The following ZSCAN5A variants were observed in gnomAD, a reference collection of about 807,000 sequenced individuals.
ZSCAN5A encodes zinc finger and SCAN domain-containing protein 5A.
Under a neutral mutation model 23.7 loss-of-function variants are expected in ZSCAN5A, and 12 were observed. The ratio of observed to expected loss-of-function variants is 0.51; its 90% CI spans 0.32 to 0.82. The LOEUF (loss-of-function observed/expected upper bound fraction) is 0.82, where lower values mean the gene tolerates loss of function less well. ZSCAN5A is among the 40% of genes least tolerant of loss of function. The pLI, the probability that ZSCAN5A is intolerant of heterozygous loss-of-function variation, is 0.03. For missense variants in ZSCAN5A, 597 were observed against 617.9 expected, an observed-to-expected ratio of 0.97 and a Z score of 0.36; for synonymous variants, 257 against 239.9, an observed-to-expected ratio of 1.07 and a Z score of -0.66.
rs182101885 is a variant in ZSCAN5A at position 56,247,969 on chromosome 19, C to T, written c.-127-22796G>A. ...CCTCCCAAAGTGCTGGGATTACAGG[C>T]GTGAGCCACCGCACCTGGCCTGTTC... On this transcript the variant is annotated intron_variant, in intron 2 of 5. Coordinates refer to ENST00000683990, the MANE Select transcript of ZSCAN5A (RefSeq NM_001322064.3). Among the ~76,000 whole-genome samples the T allele has an allele frequency of 5.3e-5, 8 of 152,278 alleles. No homozygotes were observed. In the East Asian group the frequency reaches 7.7e-4, roughly 15 times the overall value.
At chr19:56,237,645 C>A (rs2035034167) in intron 2 of ZSCAN5A, among the ~76,000 whole-genome samples, 1 of 152,038 alleles carries the variant, frequency 6.6e-6, no homozygotes, top group South Asian at 2.1e-4. Flanking sequence ...TGGGCCGGGG[C>A]GCGGTGGCTC....
intron 2 of ZSCAN5A, chr19:56,348,033 C>T (rs887250362): frequency 2.6e-5 from 4 of 152,264 alleles, no homozygotes; most frequent in African/African-American, 9.7e-5. Flanking sequence ...TGGCAAAAAC[C>T]ACTGGAGATG....
At chr19:56,320,802 CCTTAT>C (rs2041367644) in intron 2 of ZSCAN5A, 10 of 812,340 alleles carry the variant, frequency 1.2e-5, no homozygotes, top group Non-Finnish European at 2.2e-5. Flanking sequence ...ACCTCAAAAG[CCTTAT>C]CACCATAGGT....
chr19:56,345,761 A>T (rs1024086789), intron 2 of ZSCAN5A, among the ~76,000 whole-genome samples: 3 of 152,218 alleles, frequency 2.0e-5, no homozygotes, highest in African/African-American at 7.2e-5. Flanking sequence ...AGGCTAGACC[A>T]TGTGATGTTT....
intron 2 of ZSCAN5A, among the ~76,000 whole-genome samples, chr19:56,301,504 C>CA (rs2040229444): frequency 6.6e-6 from 1 of 152,166 alleles, no homozygotes; most frequent in African/African-American, 2.4e-5. Flanking sequence ...TGGGTTTTGG[C>CA]AGCTTCTTTA....
At chr19:56,329,877 AG>A (rs1311495409) in intron 2 of ZSCAN5A, among the ~76,000 whole-genome samples, 3 of 152,186 alleles carry the variant, frequency 2.0e-5, no homozygotes, top group Non-Finnish European at 4.4e-5. Context: ...ATACATGAGT[AG>A]GTGTGTTACT....
intron 2 of ZSCAN5A, chr19:56,272,867 G>A (rs985002656): frequency 1.2e-4 from 116 of 985,254 alleles, no homozygotes; most frequent in Middle Eastern, 5.2e-4. Context: ...TGAAAATGTC[G>A]CTGCTGATTC....
intron 2 of ZSCAN5A, among the ~76,000 whole-genome samples, chr19:56,357,876 G>A (rs948699994): frequency 1.3e-5 from 2 of 148,452 alleles, no homozygotes; most frequent in Admixed American, 6.7e-5. Context: ...CCCATCTCAC[G>A]TGCAAAGATA....
intron 2 of ZSCAN5A, chr19:56,246,978 G>A (rs1315611329): frequency 7.0e-7 from 1 of 1,419,544 alleles, no homozygotes; most frequent in Non-Finnish European, 9.9e-7. Context: ...GAAAACCTGA[G>A]ATAAATTCAG....
chr19:56,290,182 G>A (rs1054735353), intron 2 of ZSCAN5A, among the ~76,000 whole-genome samples: 6 of 152,180 alleles, frequency 3.9e-5, no homozygotes, highest in Non-Finnish European at 8.8e-5. Context: ...CTTTCAAAAG[G>A]TTTCTCAGGT....
At chr19:56,251,692 G>A (rs1412364266) in intron 2 of ZSCAN5A, among the ~76,000 whole-genome samples, 1 of 152,126 alleles carries the variant, frequency 6.6e-6, no homozygotes, top group Non-Finnish European at 1.5e-5. Context: ...AGTGAAATAA[G>A]CCAGTCCAAG....
chr19:56,230,723 C>A (rs1163393604), intron 2 of ZSCAN5A, among the ~76,000 whole-genome samples: 1 of 151,828 alleles, frequency 6.6e-6, no homozygotes, highest in Non-Finnish European at 1.5e-5. Flanking sequence ...CCTCGACTTA[C>A]AATGAAGTTA....
At chr19:56,357,558 C>T (rs73621209) in intron 2 of ZSCAN5A, among the ~76,000 whole-genome samples, 1,961 of 147,788 alleles carry the variant, frequency 0.013, 229 homozygotes, top group African/African-American at 0.047. Context: ...CTGTCAAATA[C>T]TAGATCTTAA....
intron 2 of ZSCAN5A, chr19:56,321,499 C>T: frequency 2.8e-6 from 2 of 719,436 alleles, no homozygotes; most frequent in Non-Finnish European, 5.2e-6. Flanking sequence ...GACATCCTTG[C>T]ACCATGCACC....
At chr19:56,337,047 G>T (rs540501532) in intron 2 of ZSCAN5A, among the ~76,000 whole-genome samples, 7 of 152,324 alleles carry the variant, frequency 4.6e-5, no homozygotes, top group African/African-American at 1.7e-4. Context: ...CACTTGAGGA[G>T]GCAGTCTGCC....
intron 2 of ZSCAN5A, among the ~76,000 whole-genome samples, chr19:56,227,825 T>C (rs2034095454): frequency 6.6e-6 from 1 of 151,994 alleles, no homozygotes; most frequent in African/African-American, 2.4e-5. Flanking sequence ...AAGACCGACA[T>C]GGGAACATGC....
intron 2 of ZSCAN5A, among the ~76,000 whole-genome samples, chr19:56,336,007 G>T (rs1028045535): frequency 3.0e-4 from 45 of 152,274 alleles, no homozygotes; most frequent in African/African-American, 1.1e-3. Context: ...CTCTCTGGCT[G>T]CCCTTAACAT....
chr19:56,309,768 T>C (rs1156568206), intron 2 of ZSCAN5A, among the ~76,000 whole-genome samples: 1 of 152,058 alleles, frequency 6.6e-6, no homozygotes, highest in Non-Finnish European at 1.5e-5. Flanking sequence ...CAACACAAGC[T>C]CAGGCCCGGC....
chr19:56,314,974 C>T (rs1363574520), upstream of ZSCAN5A: 4 of 152,254 alleles, frequency 2.6e-5, no homozygotes, highest in East Asian at 3.9e-4. Context: ...TCCTGCTTCC[C>T]CCACAAATAA....
Sources: gnomAD v4.1 joint callset for allele counts (sites outside exome capture counted in the v4.1 genomes callset) on GRCh38, gnomAD v4.1.1 for gene constraint, MANE v1.5 for transcripts, NCBI Gene and HGNC (gene_info 2026-07-23, HGNC 2026-07-21) for gene names.